Variants in DZIP3 observed in about 807,000 individuals in gnomAD.
DZIP3 encodes the protein DAZ interacting zinc finger protein 3.
Under a neutral mutation model 162.0 loss-of-function variants are expected in DZIP3, and 118 were observed. The ratio of observed to expected loss-of-function variants is 0.73; its 90% CI spans 0.63 to 0.85. The LOEUF is 0.85. Ranked by LOEUF, DZIP3 falls within the 40% of genes least tolerant of loss-of-function variation. The probability of loss-of-function intolerance (pLI) is 0.00; values close to 1 mark genes in which losing one functional copy is unlikely to be tolerated. For synonymous variants in DZIP3, 438 were observed against 458.6 expected (o/e 0.96, Z 0.57); for missense variants, 1,331 against 1,407.0 (o/e 0.95, Z 0.86).
Position 108,631,055 on chromosome 3 carries a change from A to ACACACACACACATACACTCT in DZIP3, c.696+1880_696+1881insACACACACACATACACTCTC. Among the ~76,000 whole-genome samples, 41 of 18,018 alleles carry ACACACACACACATACACTCT rather than the reference A, an allele frequency of 2.3e-3. 5 individuals are homozygous for ACACACACACACATACACTCT. The highest frequency in any genetic ancestry group is 3.3e-3 in the Non-Finnish European group (37 of 11,166). 11.8% of individuals were successfully genotyped at this position (18,018 alleles called of 152,430 possible). A position where few individuals can be genotyped will look rare whatever the true frequency, so the allele number is the denominator to read the frequency against. On this transcript the variant is annotated intron_variant, in intron 8 of 32. Coordinates refer to ENST00000361582, the MANE Select transcript of DZIP3 (RefSeq NM_014648.4). The stretch of plus-strand genomic sequence containing the variant: ...CACACACACACACACACACACACAC[A>ACACACACACACATACACTCT]CTCTCTCTCTCTCTCTCTCTCTCTC...
chr3:108,614,844 A>G (rs140985141), intron 4 of DZIP3, among the ~76,000 whole-genome samples: 2,128 of 152,300 alleles, frequency 0.014, 52 homozygotes, highest in African/African-American at 0.049. Context: ...GTGGCCCACC[A>G]TGGGTAACTA....
chr3:108,661,962 A>G lies in DZIP3; in HGVS notation c.2285A>G (p.Tyr762Cys), dbSNP rs1290707220. The stretch of plus-strand genomic sequence containing the variant: ...CAAAGGCAGCTTTATAAATTGCACT[A>G]TCAGTGTGAAGTAAGTATTTTTGCC... ...ARQRQLYKLHYQCEDFKRQLR... is the reference protein window; with the variant it reads ...ARQRQLYKLHCQCEDFKRQLR... The change falls in exon 20 of 33, where the codon TAT becomes TGT. Residue 762 changes from tyrosine to cysteine, a missense_variant. Tyr to Cys is a radical substitution (Grantham distance 194). Around this residue, in one of 2 missense-constraint regions of DZIP3, gnomAD observed 1,278 missense variants for 1,317.1 expected, o/e 0.97. Transcript: ENST00000361582. 5.0e-6 allele frequency: 8 copies of G among 1,613,602 alleles called. No individual in the cohort carries two copies. In the Admixed American group the frequency reaches 5.0e-5, roughly 10 times the overall value.
At chr3:108,635,626 AATT>A (rs1025450449) in intron 10 of DZIP3, among the ~76,000 whole-genome samples, 296 of 116,168 alleles carry the variant, frequency 2.5e-3, no homozygotes, top group African/African-American at 7.6e-3. Context: ...TAACTTATAT[AATT>A]ATATAAGTTA....
chr3:108,600,176 A>C (rs940896643), intron 1 of DZIP3, among the ~76,000 whole-genome samples: 5 of 152,202 alleles, frequency 3.3e-5, no homozygotes, highest in Non-Finnish European at 4.4e-5. Context: ...AAAATTTAGC[A>C]GAAATGATAA....
At chr3:108,619,060 C>CAA (rs57700432) in intron 5 of DZIP3, among the ~76,000 whole-genome samples, 5 of 70,090 alleles carry the variant, frequency 7.1e-5, no homozygotes, top group African/African-American at 2.4e-4. Context: ...GACTCCATCT[C>CAA]AAAAAAAAAA....
chr3:108,619,992 A>G (rs1453660084), intron 5 of DZIP3, among the ~76,000 whole-genome samples: 1 of 152,040 alleles, frequency 6.6e-6, no homozygotes, highest in Admixed American at 6.6e-5. Context: ...GATTTGCTAG[A>G]AGGACTGGAC....
intron 26 of DZIP3, 25 bp from the exon 27 acceptor site, chr3:108,684,191 T>G: frequency 6.3e-7 from 1 of 1,590,806 alleles, no homozygotes. Context: ...GTGTTGTTTA[T>G]TATTGTTTAT....
At chr3:108,687,474 T>G (rs1210122291) in intron 28 of DZIP3, among the ~76,000 whole-genome samples, 1 of 152,166 alleles carries the variant, frequency 6.6e-6, no homozygotes, top group Admixed American at 6.5e-5. Flanking sequence ...TTTCATTATA[T>G]AATTAATGTG....
intron 24 of DZIP3, among the ~76,000 whole-genome samples, chr3:108,675,207 TA>T (rs1371644760): frequency 2.6e-5 from 4 of 152,020 alleles, no homozygotes; most frequent in African/African-American, 4.8e-5. Flanking sequence ...CTACTTTTGT[TA>T]AGTCATTTGG....
At chr3:108,631,709 T>C (rs1265042362) in intron 8 of DZIP3, among the ~76,000 whole-genome samples, 3 of 150,710 alleles carry the variant, frequency 2.0e-5, no homozygotes, top group East Asian at 3.9e-4. Flanking sequence ...TTTTCTGTTA[T>C]CTTTTAACTT....
At chr3:108,624,634 C>T (rs1286087946) in intron 6 of DZIP3, 110 bp downstream of exon 6, 2 of 526,552 alleles carry the variant, frequency 3.8e-6, no homozygotes, top group East Asian at 3.6e-5. Flanking sequence ...TTAATATTAG[C>T]TTATAACTTC....
intron 25 of DZIP3, among the ~76,000 whole-genome samples, chr3:108,677,153 T>C (rs1944139704): frequency 6.6e-6 from 1 of 152,110 alleles, no homozygotes; most frequent in African/African-American, 2.4e-5. Context: ...ATAATATTTA[T>C]AGCTTCTTGA....
In DZIP3 at chr3:108,646,631, T is replaced by G; in HGVS notation, c.1774T>G (p.Ser592Ala). Residue 592 changes from serine (S) to alanine (A), a missense_variant, in exon 15 of 33, where the codon TCA becomes GCA. Ser to Ala is a moderately conservative substitution (Grantham distance 99, BLOSUM62 1). Coordinates refer to ENST00000361582, the MANE Select transcript of DZIP3 (RefSeq NM_014648.4). The part of the protein sequence containing the change: ...SCYQQGIALQ[S>A]ITGSQRIEIE... ...ATGTATTATAGGAATTGCTCTACAG[T>G]CAATAACAGGCAGTCAGCGTAAGTA... The G allele has an allele frequency of 6.4e-7, 1 of 1,565,814 alleles. No homozygotes were observed. The highest frequency in any genetic ancestry group is 8.6e-7 in the Non-Finnish European group (1 of 1,158,798).
At chr3:108,661,186 G>A (rs1259386990) in intron 19 of DZIP3, among the ~76,000 whole-genome samples, 9 of 152,160 alleles carry the variant, frequency 5.9e-5, no homozygotes, top group South Asian at 2.1e-4. Context: ...ACATGCACAC[G>A]TATGTTTATT....
chr3:108,660,412 T>C (rs1398204586), intron 19 of DZIP3, among the ~76,000 whole-genome samples: 1 of 152,128 alleles, frequency 6.6e-6, no homozygotes, highest in Non-Finnish European at 1.5e-5. Context: ...TAATAAATGG[T>C]GCTGGGAAAA....
At chr3:108,622,397 G>A (rs1941394441) in intron 5 of DZIP3, among the ~76,000 whole-genome samples, 1 of 152,050 alleles carries the variant, frequency 6.6e-6, no homozygotes, top group Non-Finnish European at 1.5e-5. Context: ...GAATTTCATT[G>A]AACTTCCTCA....
At chr3:108,661,542 G>A (rs1559767324) in intron 19 of DZIP3, among the ~76,000 whole-genome samples, 2 of 152,156 alleles carry the variant, frequency 1.3e-5, no homozygotes, top group South Asian at 4.2e-4. Context: ...GTTAAATGAC[G>A]AGTTAATGGG....
At chr3:108,625,264 G>A (rs752272277) in intron 6 of DZIP3, among the ~76,000 whole-genome samples, 11 of 152,034 alleles carry the variant, frequency 7.2e-5, no homozygotes, top group Non-Finnish European at 1.5e-4. Context: ...TTAAGGTGGT[G>A]ATTCCCCAAA....
At chr3:108,693,240 A>AT (rs1944769201) in intron 32 of DZIP3, 120 bp from the exon 33 acceptor site, 1 of 151,942 alleles carries the variant, frequency 6.6e-6, no homozygotes, top group African/African-American at 2.4e-5. Context: ...CAAAAAAAAA[A>AT]AGAAGTAGGA....
Sources: allele counts gnomAD v4.1 joint callset (sites outside exome capture counted in the v4.1 genomes callset), GRCh38; gene constraint gnomAD v4.1.1; regional missense constraint gnomAD v4.1.1; transcripts MANE v1.5; gene names NCBI Gene and HGNC (gene_info 2026-07-23, HGNC 2026-07-21).